AP3B2: variants seen among roughly 807,000 people sequenced by gnomAD.
AP3B2 encodes AP-3 complex subunit beta-2.
AP3B2 carries 50 observed loss-of-function variants against 126.9 expected under a neutral mutation model. The ratio of observed to expected loss-of-function variants is 0.39; its 90% CI spans 0.31 to 0.50. AP3B2 has a LOEUF of 0.50. AP3B2 is among the 20% of genes least tolerant of loss of function. The pLI is 0.79. For synonymous variants in AP3B2, 541 were observed against 565.0 expected (o/e 0.96, Z 0.60); for missense variants, 1,177 against 1,426.4 (o/e 0.83, Z 2.82).
At chr15:82,660,057 G>A in intron 25 of AP3B2, 74 bp from the exon 26 acceptor site, 4 of 1,535,184 alleles carry the variant, frequency 2.6e-6, no homozygotes, top group Non-Finnish European at 3.6e-6. Flanking sequence ...TGCTTACTGA[G>A]CAACAAGTTC....
intron 1 of AP3B2, chr15:82,692,332 G>T: frequency 5.3e-6 from 3 of 565,234 alleles, no homozygotes; most frequent in Non-Finnish European, 9.2e-6. Context: ...TCACCACGCA[G>T]ATGCGCTCAT....
chr15:82,709,411 G>C (rs1339557071), intron 1 of AP3B2, among the ~76,000 whole-genome samples, 183 bp downstream of exon 1: 1 of 151,412 alleles, frequency 6.6e-6, no homozygotes, highest in Non-Finnish European at 1.5e-5. Flanking sequence ...CCCTGGAGCC[G>C]GGGTGCCAGC....
chr15:82,695,420 C>T (rs28864981), intron 1 of AP3B2, among the ~76,000 whole-genome samples: 23,677 of 152,030 alleles, frequency 0.16, 1,972 homozygotes, highest in Non-Finnish European at 0.2. Context: ...CTTTCAATCC[C>T]ACTATTTGAC....
Position 82,680,573 on chromosome 15 carries a change from G to T in AP3B2, c.954C>A (p.Ala318=), listed in dbSNP as rs759070906. Residue 318 remains alanine (A), a synonymous_variant, in exon 8 of 27, where the codon GCC becomes GCA. Transcript: ENST00000535359. The surrounding 1 kb of genome is among the most constrained non-coding windows in gnomAD (Gnocchi z 6.1). ...GCTGCGCCACCGCCATCACCACCGC[G>T]GCGCTGCGGCTCTGCAGCAGGGGTT... is the stretch of plus-strand genomic sequence containing the variant. ...NTKPLLQSRS[A]AVVMAVAQLY... is the part of the protein sequence containing the mutation. 2 of 1,585,520 alleles carry T rather than the reference G, an allele frequency of 1.3e-6. No individual in the cohort carries two copies. The highest frequency in any genetic ancestry group is 1.7e-6 in the Non-Finnish European group (2 of 1,172,956).
In AP3B2 at chr15:82,663,873, GCTA is replaced by G; in HGVS notation, c.2361_2363del (p.Ser790del). ...CCGATGTCATCTCGGACTCTGATGA[GCTA>G]CTGCTGGAATCGCTGCCCTCATCAG... On this transcript the variant is annotated inframe_deletion, in exon 20 of 27. Coordinates refer to ENST00000535359, the MANE Select transcript of AP3B2 (RefSeq NM_001278512.2). 6.2e-7 allele frequency: 1 copy of G among 1,613,850 alleles called. No individual in the cohort carries two copies. Among genetic ancestry groups the G allele is most frequent in the East Asian group, 2.2e-5 (1 of 44,882 alleles).
In AP3B2 at chr15:82,689,473, G is replaced by A. The variant is rs186733649; in HGVS notation, c.114-20C>T. On this transcript the variant is annotated intron_variant, in intron 1 of 26. Coordinates refer to ENST00000535359, the MANE Select transcript of AP3B2 (RefSeq NM_001278512.2). ...TCATGCCTGGTGGGAGGTACAAGAA[G>A]TCAGCTGAGGGCACAAGGGTGGGGA... 2 of 1,610,736 alleles carry A rather than the reference G, an allele frequency of 1.2e-6. No homozygotes were observed. Among genetic ancestry groups the A allele is most frequent in the East Asian group, 4.5e-5 (2 of 44,852 alleles).
At chr15:82,699,436 C>T (rs2048683602) in intron 1 of AP3B2, among the ~76,000 whole-genome samples, 1 of 152,110 alleles carries the variant, frequency 6.6e-6, no homozygotes, top group Admixed American at 6.5e-5. Flanking sequence ...AGTTAAGCCC[C>T]TCATCTCTCC....
At chr15:82,690,642 C>CTTTTTTTTTTTTTTTT (rs147811093) in intron 1 of AP3B2, among the ~76,000 whole-genome samples, 1 of 68,926 alleles carries the variant, frequency 1.5e-5, no homozygotes, top group Non-Finnish European at 2.6e-5. Flanking sequence ...TTTTCTTCTT[C>CTTTTTTTTTTTTTTTT]TTTTTTTTTT....
At chr15:82,706,545 G>C (rs2151463965) in intron 1 of AP3B2, among the ~76,000 whole-genome samples, 1 of 152,264 alleles carries the variant, frequency 6.6e-6, no homozygotes, top group Non-Finnish European at 1.5e-5. Context: ...TGCTGATAAG[G>C]TAGCTAAAAA....
chr15:82,679,936 C>T, intron 9 of AP3B2, 136 bp from the exon 10 acceptor site: 1 of 937,834 alleles, frequency 1.1e-6, no homozygotes, highest in Non-Finnish European at 1.7e-6. Flanking sequence ...CTCAAGTCTT[C>T]CCTCGTCCAT....
chr15:82,679,853 G>A (rs2048303877), intron 9 of AP3B2, 53 bp from the exon 10 acceptor site: 14 of 1,519,996 alleles, frequency 9.2e-6, no homozygotes, highest in South Asian at 3.4e-5. Context: ...GGCCTGCCTC[G>A]CTGCCCAGAG....
chr15:82,708,418 C>T (rs1429246347), intron 1 of AP3B2, among the ~76,000 whole-genome samples: 1 of 151,600 alleles, frequency 6.6e-6, no homozygotes, highest in African/African-American at 2.4e-5. Flanking sequence ...CATCTTCTCC[C>T]CCTGTCCCTC....
At chr15:82,704,712 C>T (rs1046843893) in intron 1 of AP3B2, among the ~76,000 whole-genome samples, 3 of 152,276 alleles carry the variant, frequency 2.0e-5, no homozygotes, top group African/African-American at 7.2e-5. Context: ...ATCTTCTCGG[C>T]TTAGCAGCTG....
At chr15:82,700,159 T>C (rs561519325) in intron 1 of AP3B2, among the ~76,000 whole-genome samples, 2 of 152,226 alleles carry the variant, frequency 1.3e-5, no homozygotes, top group East Asian at 3.9e-4. Flanking sequence ...ACAATTAGAC[T>C]GCAGCCTCCT....
At chr15:82,676,719 C>CAGATGAGGAG in intron 13 of AP3B2, 82 bp from the exon 14 acceptor site, 1 of 1,419,398 alleles carries the variant, frequency 7.0e-7, no homozygotes, top group Non-Finnish European at 9.7e-7. Context: ...GGAAACAGCA[C>CAGATGAGGAG]TCCTCATCTG....
intron 14 of AP3B2, among the ~76,000 whole-genome samples, chr15:82,670,167 T>C (rs1181172390): frequency 1.7e-5 from 2 of 120,122 alleles, no homozygotes; most frequent in African/African-American, 6.5e-5. Flanking sequence ...TGGAGTGCAG[T>C]GGCGCGATCT....
rs373176864 is a variant in AP3B2, at chr15:82,700,674, C to T, written c.113+8920G>A. ...TCAGCCTCCCAAAGTGCTAGGATTA[C>T]AGGCGTGAGCCACCGCGCCTGGCCT... On this transcript the variant is annotated intron_variant, in intron 1 of 26. Coordinates refer to ENST00000535359, the MANE Select transcript of AP3B2 (RefSeq NM_001278512.2). Among the ~76,000 whole-genome samples, 177 of 151,028 alleles carry T rather than the reference C, an allele frequency of 1.2e-3. 1 individual carries two copies. The highest frequency in any genetic ancestry group is 6.8e-3 in the Middle Eastern group (2 of 292).
chr15:82,704,305 T>C (rs538879167), intron 1 of AP3B2, among the ~76,000 whole-genome samples: 5 of 152,156 alleles, frequency 3.3e-5, no homozygotes, highest in Non-Finnish European at 7.4e-5. Flanking sequence ...AAAATTAAAT[T>C]CCGGCCCTCA....
Position 82,709,583 on chromosome 15 carries a change from G to A in AP3B2, c.113+11C>T. ...CAACCCTCCCGCGAGCTTCCTGGCG[G>A]GCTCCCTCACCGCTTGTAGTCGGAG... On this transcript the variant is annotated intron_variant, in intron 1 of 26. Transcript: ENST00000535359. 1 of 1,487,872 alleles carries A rather than the reference G, an allele frequency of 6.7e-7. No individual in the cohort carries two copies. Among genetic ancestry groups the A allele is most frequent in the East Asian group, 2.9e-5 (1 of 34,066 alleles). The allele number at this position is 1,487,872 out of a possible 1,614,324, so 92.2% of individuals were successfully genotyped here.
Sources: gnomAD v4.1 joint callset for allele counts (sites outside exome capture counted in the v4.1 genomes callset) on GRCh38, gnomAD v4.1.1 for gene constraint, Gnocchi (gnomAD v3.1) non-coding constraint, MANE v1.5 for transcripts, NCBI Gene and HGNC (gene_info 2026-07-23, HGNC 2026-07-21) for gene names.